The following LHX8 variants were observed in gnomAD, a reference collection of about 807,000 sequenced individuals.
LHX8 encodes the protein LIM homeobox 8.
Under a neutral mutation model 40.3 loss-of-function variants are expected in LHX8, and 12 were observed. The ratio of observed to expected loss-of-function variants is 0.30; its 90% CI spans 0.19 to 0.48. LHX8 has a LOEUF of 0.48. Ranked by LOEUF, LHX8 falls within the 20% of genes least tolerant of loss-of-function variation. The pLI, the probability that LHX8 is intolerant of heterozygous loss-of-function variation, is 0.99. For synonymous variants in LHX8, 179 were observed against 162.0 expected (o/e 1.10, Z -0.80); for missense variants, 344 against 433.7 (o/e 0.79, Z 1.84).
intron 4 of LHX8, among the ~76,000 whole-genome samples, chr1:75,141,439 TTGG>T (rs1207466268): frequency 3.3e-5 from 5 of 152,196 alleles, no homozygotes; most frequent in Admixed American, 1.3e-4. Context: ...ACGCCCCTGT[TTGG>T]TGGGAATGGT....
At chr1:75,165,636 A>G (rs1403644506), downstream of LHX8, among the ~76,000 whole-genome samples, 1 of 152,160 alleles carries the variant, frequency 6.6e-6, no homozygotes, top group Non-Finnish European at 1.5e-5. Context: ...GGGGAGGTAG[A>G]AACAACATCT....
chr1:75,177,582 G>A, the LHX8 span, among the ~76,000 whole-genome samples: 7 of 152,234 alleles, frequency 4.6e-5, no homozygotes, highest in East Asian at 1.9e-4. Flanking sequence ...GGGCTGAGAC[G>A]ATGGGGTTTT....
chr1:75,173,696 T>C, the LHX8 span, among the ~76,000 whole-genome samples: 1 of 152,096 alleles, frequency 6.6e-6, no homozygotes, highest in Admixed American at 6.6e-5. Flanking sequence ...ATATATACTG[T>C]TAATCATTAT....
chr1:75,142,541 A>G (rs902635118), intron 4 of LHX8, among the ~76,000 whole-genome samples: 1 of 152,200 alleles, frequency 6.6e-6, no homozygotes, highest in African/African-American at 2.4e-5. Context: ...CACCAAAGGA[A>G]ACATTTCTGA....
At chr1:75,128,721 G>C (rs1214377081) in intron 1 of LHX8, 1 of 152,198 alleles carries the variant, frequency 6.6e-6, no homozygotes, top group Non-Finnish European at 1.5e-5. Flanking sequence ...ACAATATTCA[G>C]AAGGTTGTGC....
At chr1:75,148,792 C>A in intron 7 of LHX8, 110 bp downstream of exon 7, 1 of 746,490 alleles carries the variant, frequency 1.3e-6, no homozygotes, top group Non-Finnish European at 2.3e-6. Flanking sequence ...ATTCTCCCAC[C>A]TCAGCCTCCC....
intron 6 of LHX8, among the ~76,000 whole-genome samples, chr1:75,144,793 A>G (rs537461938): frequency 6.6e-6 from 1 of 152,256 alleles, no homozygotes; most frequent in Non-Finnish European, 1.5e-5. Context: ...GGTACCTTAT[A>G]CATAGTATCC....
At chr1:75,132,534 A>T (rs1647999855), upstream of LHX8, 1 of 152,098 alleles carries the variant, frequency 6.6e-6, no homozygotes, top group Non-Finnish European at 1.5e-5. Flanking sequence ...CATTTTCTCC[A>T]CTTATGCAGA....
At chr1:75,141,431 GC>G (rs1439193309) in intron 4 of LHX8, among the ~76,000 whole-genome samples, 4 of 152,064 alleles carry the variant, frequency 2.6e-5, no homozygotes, top group African/African-American at 9.7e-5. Flanking sequence ...TTATGACAAC[GC>G]CCCTGTTTGG....
At chr1:75,198,562 AG>A in the LHX8 span, among the ~76,000 whole-genome samples, 1 of 151,698 alleles carries the variant, frequency 6.6e-6, no homozygotes. Context: ...GCAGAGTGAC[AG>A]GGTGACGTTG....
the LHX8 span, among the ~76,000 whole-genome samples, chr1:75,169,276 C>T: frequency 6.6e-6 from 1 of 152,200 alleles, no homozygotes; most frequent in African/African-American, 2.4e-5. Context: ...AATGAGACAG[C>T]TTGACTCTGC....
chr1:75,128,888 T>C (rs1370654944), intron 1 of LHX8, among the ~76,000 whole-genome samples: 1 of 152,154 alleles, frequency 6.6e-6, no homozygotes, highest in Non-Finnish European at 1.5e-5. Flanking sequence ...CTCTGGAGCC[T>C]CTGCAGCCCA....
chr1:75,179,502 G>GT, the LHX8 span, among the ~76,000 whole-genome samples: 14,669 of 108,394 alleles, frequency 0.14, 1,166 homozygotes, highest in Non-Finnish European at 0.18. Flanking sequence ...AACCCCTGTT[G>GT]TTTTTTTTTT....
chr1:75,161,181 A>G lies in LHX8; in HGVS notation c.*286A>G. On this transcript the variant is annotated 3_prime_UTR_variant, in exon 9 of 9. Transcript: ENST00000356261. Reference sequence around the variant, plus strand: ...TGTATCTGTTAATTTATTTGTCATCAAAAGAGCACTTTGCCTAAAAGAAAG... The same window carrying G: ...TGTATCTGTTAATTTATTTGTCATCGAAAGAGCACTTTGCCTAAAAGAAAG... 1 of 353,994 alleles carries G rather than the reference A, an allele frequency of 2.8e-6. No individual in the cohort carries two copies. Among genetic ancestry groups the G allele is most frequent in the South Asian group, 3.4e-5 (1 of 29,182 alleles). The allele number at this position is 353,994 out of a possible 1,614,324, so 21.9% of individuals were successfully genotyped here. A position where few individuals can be genotyped will look rare whatever the true frequency, so the allele number is the denominator to read the frequency against.
At chr1:75,170,511 A>C in the LHX8 span, among the ~76,000 whole-genome samples, 2 of 152,238 alleles carry the variant, frequency 1.3e-5, no homozygotes, top group Non-Finnish European at 2.9e-5. Context: ...GGACCTTGGG[A>C]CACAGGAACT....
rs568079865 is a variant in LHX8 at position 75,149,416 on chromosome 1, G to C, written c.780+734G>C. Among the ~76,000 whole-genome samples, 4 of 152,314 alleles carry C rather than the reference G, an allele frequency of 2.6e-5. No homozygotes were observed. In the East Asian group the frequency reaches 7.7e-4, roughly 29 times the overall value. On this transcript the variant is annotated intron_variant, in intron 7 of 8. Coordinates refer to ENST00000356261, the MANE Select transcript of LHX8 (RefSeq NM_001256114.2). ...ACAGCACATGGGAAGAACTGGAGTTGGGAGAGACTAGATAGAGGTAAGCAG... is the reference window on the plus strand; with the variant it reads ...ACAGCACATGGGAAGAACTGGAGTTCGGAGAGACTAGATAGAGGTAAGCAG...
chr1:75,172,346 G>A, the LHX8 span, among the ~76,000 whole-genome samples: 1 of 152,150 alleles, frequency 6.6e-6, no homozygotes, highest in Non-Finnish European at 1.5e-5. Context: ...CCAAATAGGA[G>A]ATTTCAAAAG....
chr1:75,134,903 A>G lies in LHX8; in HGVS notation c.-64A>G. 2.0e-6 allele frequency: 2 copies of G among 985,166 alleles called. No homozygotes were observed. Among genetic ancestry groups the G allele is most frequent in the Non-Finnish European group, 2.4e-6 (2 of 829,878 alleles). 61.0% of individuals were successfully genotyped at this position (985,166 alleles called of 1,614,324 possible). On this transcript the variant is annotated 5_prime_UTR_variant, in exon 1 of 9. Coordinates refer to ENST00000356261, the MANE Select transcript of LHX8 (RefSeq NM_001256114.2). ...AAAGCTCACTTAACCTGAGACATGG[A>G]GACTGTAATTTGGGAGATGAAGCCT... is the stretch of plus-strand genomic sequence containing the variant.
intron 1 of LHX8, among the ~76,000 whole-genome samples, chr1:75,135,720 A>G (rs1648105223): frequency 1.3e-5 from 2 of 152,236 alleles, no homozygotes; most frequent in Non-Finnish European, 2.9e-5. Context: ...GAAACACTTG[A>G]GTAACGCGCG....
Sources: gnomAD v4.1 joint callset for allele counts (sites outside exome capture counted in the v4.1 genomes callset) on GRCh38, gnomAD v4.1.1 for gene constraint, MANE v1.5 for transcripts, NCBI Gene and HGNC (gene_info 2026-07-23, HGNC 2026-07-21) for gene names.